WWOX: variants seen among roughly 807,000 people sequenced by gnomAD.
The protein encoded by WWOX is WW domain containing oxidoreductase.
A neutral mutation model predicts 46.2 loss-of-function variants in WWOX; 69 were observed. The observed-to-expected ratio is 1.49, with a 90% CI of 1.23 to 1.82. The LOEUF is 1.82. Among genes scored for constraint, WWOX ranks in the 40% most tolerant of loss-of-function variants. The probability of loss-of-function intolerance (pLI) is 0.00; values close to 1 mark genes in which losing one functional copy is unlikely to be tolerated. For missense variants in WWOX, 919 were observed against 542.6 expected, an observed-to-expected ratio of 1.69 and a Z score of -6.89; for synonymous variants, 359 against 202.6, an observed-to-expected ratio of 1.77 and a Z score of -6.56.
chr16:79,060,251 A>C (rs181654759), intron 8 of WWOX, among the ~76,000 whole-genome samples: 53 of 152,318 alleles, frequency 3.5e-4, no homozygotes, highest in African/African-American at 1.3e-3. Flanking sequence ...TGTTTCCAAA[A>C]ATAGTTTTGG....
rs116073212 is a variant in WWOX at position 78,831,695 on chromosome 16, T to C, written c.1057-379913T>C. Among the ~76,000 whole-genome samples, 979 of 152,282 alleles carry C rather than the reference T, an allele frequency of 6.4e-3. 7 individuals are homozygous for C. The highest frequency in any genetic ancestry group is 0.022 in the African/African-American group (931 of 41,550). On this transcript the variant is annotated intron_variant, in intron 8 of 8. Transcript: ENST00000566780. ...TTTCCATTGAGAAGAAGAAATAATT[T>C]ATGTAAAGCACAAAGCATAATCCCT...
At chr16:78,422,861 A>G (rs2082982377) in intron 6 of WWOX, among the ~76,000 whole-genome samples, 1 of 138,412 alleles carries the variant, frequency 7.2e-6, no homozygotes, top group South Asian at 2.2e-4. Flanking sequence ...ACACACACAC[A>G]CACACACACA....
chr16:78,811,936 A>G (rs533366886), intron 8 of WWOX, among the ~76,000 whole-genome samples: 1 of 152,222 alleles, frequency 6.6e-6, no homozygotes, highest in Non-Finnish European at 1.5e-5. Context: ...CTTTTGAGGA[A>G]TAAATGGAAT....
intron 8 of WWOX, among the ~76,000 whole-genome samples, chr16:78,696,267 C>A (rs969426429): frequency 6.6e-6 from 1 of 152,146 alleles, no homozygotes; most frequent in African/African-American, 2.4e-5. Context: ...TTTGCCACAT[C>A]ACGGGATTTT....
At chr16:78,918,871 C>G (rs993070361) in intron 8 of WWOX, among the ~76,000 whole-genome samples, 3 of 152,170 alleles carry the variant, frequency 2.0e-5, no homozygotes, top group Admixed American at 1.3e-4. Context: ...AATATGAGCA[C>G]TTTCTCTTGT....
intron 8 of WWOX, among the ~76,000 whole-genome samples, chr16:79,058,125 C>T (rs150369381): frequency 1.4e-5 from 1 of 72,376 alleles, no homozygotes; most frequent in Non-Finnish European, 2.4e-5. Flanking sequence ...AAAAAACAAA[C>T]AAACAAAAAA....
chr16:79,108,877 C>T (rs557339405), intron 8 of WWOX, among the ~76,000 whole-genome samples: 4 of 151,634 alleles, frequency 2.6e-5, no homozygotes, highest in East Asian at 1.9e-4. Context: ...CTCCAGCATA[C>T]GTGACAGAGC....
chr16:79,211,384 T>G (rs1395530434), intron 8 of WWOX, among the ~76,000 whole-genome samples: 1 of 152,192 alleles, frequency 6.6e-6, no homozygotes, highest in East Asian at 1.9e-4. Context: ...TGTCAAAAGT[T>G]ACACCAGCTT....
chr16:78,618,753 T>C (rs1431243285), intron 8 of WWOX, among the ~76,000 whole-genome samples: 2 of 151,890 alleles, frequency 1.3e-5, no homozygotes, highest in Admixed American at 6.6e-5. Flanking sequence ...TTCCCCACTG[T>C]CTTCCCCACC....
At chr16:78,605,942 T>C (rs955823753) in intron 8 of WWOX, among the ~76,000 whole-genome samples, 5 of 152,228 alleles carry the variant, frequency 3.3e-5, no homozygotes, top group African/African-American at 1.2e-4. Context: ...TGCGCATTTG[T>C]AATAGACTCA....
intron 8 of WWOX, among the ~76,000 whole-genome samples, chr16:78,885,005 C>G (rs1445256887): frequency 1.3e-5 from 2 of 152,206 alleles, no homozygotes. Flanking sequence ...TCAGCTGTGT[C>G]ACTGGGCAGT....
intron 8 of WWOX, among the ~76,000 whole-genome samples, chr16:78,841,764 A>G (rs1413176636): frequency 2.0e-5 from 3 of 152,104 alleles, no homozygotes; most frequent in East Asian, 3.9e-4. Flanking sequence ...TTTTATTGTC[A>G]ATTATGTTTT....
At chr16:78,122,215 G>A (rs1292143912) in intron 4 of WWOX, among the ~76,000 whole-genome samples, 4 of 152,176 alleles carry the variant, frequency 2.6e-5, no homozygotes, top group Non-Finnish European at 5.9e-5. Flanking sequence ...AGGCATCACT[G>A]TGGGTCTTGG....
chr16:78,517,143 C>A (rs997596185), intron 8 of WWOX, among the ~76,000 whole-genome samples: 2 of 152,154 alleles, frequency 1.3e-5, no homozygotes, highest in African/African-American at 4.8e-5. Context: ...TCTGAGAATA[C>A]TAAAATCTTA....
intron 8 of WWOX, among the ~76,000 whole-genome samples, chr16:78,680,750 A>C (rs547631047): frequency 2.6e-5 from 4 of 152,328 alleles, no homozygotes; most frequent in African/African-American, 9.6e-5. Flanking sequence ...AGAGTGTCCC[A>C]TTGCACAGTT....
Position 78,177,184 on chromosome 16 carries a change from T to A in WWOX, c.516+12895T>A, listed in dbSNP as rs2035378512. Among the ~76,000 whole-genome samples the A allele has an allele frequency of 2.0e-5, 3 of 152,250 alleles. No homozygotes were observed. The South Asian group carries it at 6.2e-4, about 31-fold the overall frequency. On this transcript the variant is annotated intron_variant, in intron 5 of 8. Transcript: ENST00000566780. The stretch of plus-strand genomic sequence containing the variant: ...AAAGGGCGGGTACACATTTTTATCT[T>A]TGCTTATGAAAATCAAATGTTTTCC...
rs374070907 is a variant in WWOX, at chr16:78,305,877, G to T, written c.517-80983G>T. Among the ~76,000 whole-genome samples the T allele has an allele frequency of 4.6e-5, 7 of 151,402 alleles. No individual in the cohort carries two copies. The East Asian group carries it at 7.8e-4, about 17-fold the overall frequency. ...TCATTTTTTCTTTTTCTTTTTTTTG[G>T]TTGGAAGAAAGGCTCATTGAGGAAA... On this transcript the variant is annotated intron_variant, in intron 5 of 8. Coordinates refer to ENST00000566780, the MANE Select transcript of WWOX (RefSeq NM_016373.4).
At chr16:78,489,726 G>A (rs953665999) in intron 8 of WWOX, among the ~76,000 whole-genome samples, 1 of 152,116 alleles carries the variant, frequency 6.6e-6, no homozygotes, top group Admixed American at 6.5e-5. Context: ...GCAAGATGCC[G>A]TTCTGGGTTC....
At chr16:78,729,291 A>G (rs891877314) in intron 8 of WWOX, among the ~76,000 whole-genome samples, 2 of 151,882 alleles carry the variant, frequency 1.3e-5, no homozygotes, top group African/African-American at 4.8e-5. Flanking sequence ...GTAGTGAGCT[A>G]TGATTGCACC....
Sources: allele counts gnomAD v4.1 joint callset (sites outside exome capture counted in the v4.1 genomes callset), GRCh38; gene constraint gnomAD v4.1.1; transcripts MANE v1.5; gene names NCBI Gene and HGNC (gene_info 2026-07-23, HGNC 2026-07-21).